SOS1: variants seen among roughly 807,000 people sequenced by gnomAD.
The protein encoded by SOS1 is son of sevenless homolog 1.
SOS1 carries 25 observed loss-of-function variants against 157.6 expected under a neutral mutation model. The ratio of observed to expected loss-of-function variants is 0.16; its 90% confidence interval spans 0.12 to 0.22. SOS1 has a LOEUF of 0.22. SOS1 is among the 10% of genes least tolerant of loss of function. The probability of loss-of-function intolerance (pLI) is 1.00; values close to 1 mark genes in which losing one functional copy is unlikely to be tolerated. For synonymous variants in SOS1, 528 were observed against 534.0 expected, an observed-to-expected ratio of 0.99 and a Z score of 0.16; for missense variants, 1,237 against 1,599.1, an observed-to-expected ratio of 0.77 and a Z score of 3.86.
intron 3 of SOS1, among the ~76,000 whole-genome samples, chr2:39,057,725 A>G (rs1671259807): frequency 6.6e-6 from 1 of 152,106 alleles, no homozygotes; most frequent in African/African-American, 2.4e-5. Context: ...ATTCCCTTAG[A>G]ATACAATTCA....
chr2:39,122,607 AAAAAT>A (rs1673933678), upstream of SOS1, among the ~76,000 whole-genome samples: 1 of 152,156 alleles, frequency 6.6e-6, no homozygotes, highest in South Asian at 2.1e-4. Context: ...GTTTTATTGA[AAAAAT>A]AAAAATATAC....
intron 15 of SOS1, among the ~76,000 whole-genome samples, chr2:39,008,038 A>G (rs1431281088): frequency 6.6e-6 from 1 of 152,294 alleles, no homozygotes; most frequent in East Asian, 1.9e-4. Flanking sequence ...CCTGCAGTCA[A>G]GAACACCTAG....
At chr2:39,103,788 A>G (rs955499840) in intron 1 of SOS1, among the ~76,000 whole-genome samples, 4 of 152,268 alleles carry the variant, frequency 2.6e-5, no homozygotes, top group Non-Finnish European at 5.9e-5. Flanking sequence ...GAAAAAACAG[A>G]TAAATCTGAC....
At chr2:39,120,295 G>C (rs765886895) in intron 1 of SOS1, 41 bp downstream of exon 1, 5 of 1,528,564 alleles carry the variant, frequency 3.3e-6, no homozygotes, top group African/African-American at 1.4e-5. Flanking sequence ...GCCCGCGCTG[G>C]GGGGCTGCGG....
chr2:39,047,981 A>G (rs550412227), intron 6 of SOS1, among the ~76,000 whole-genome samples: 1 of 152,230 alleles, frequency 6.6e-6, no homozygotes, highest in Admixed American at 6.5e-5. Context: ...AGTTCTTAAT[A>G]TACCCCAGAT....
rs1317024397 is a variant in SOS1, at chr2:39,115,868, A to G, written c.87+4468T>C. On this transcript the variant is annotated intron_variant, in intron 1 of 22. Coordinates refer to ENST00000402219, the MANE Select transcript of SOS1 (RefSeq NM_005633.4). ...AAAGAGATGCCATGAACATTCATGTATAAGTCTTTGTATAAGCTTCATCTA... is the reference window on the plus strand; with the variant it reads ...AAAGAGATGCCATGAACATTCATGTGTAAGTCTTTGTATAAGCTTCATCTA... Among the ~76,000 whole-genome samples, 7 of 152,332 alleles carry G rather than the reference A, an allele frequency of 4.6e-5. No individual in the cohort carries two copies. In the South Asian group the frequency reaches 1.0e-3, roughly 23 times the overall value.
rs529244092 is a variant in SOS1, at chr2:39,051,874, A to T, written c.721-587T>A. 2.0e-5 allele frequency among the ~76,000 whole-genome samples: 3 copies of T among 152,212 alleles called. No individual in the cohort carries two copies. The South Asian group carries it at 6.2e-4, about 32-fold the overall frequency. The stretch of plus-strand genomic sequence containing the variant: ...ACGAAAAATCTAGCTTTTCTGTGTA[A>T]TTTTTTTATTGAGATAAAACTCACA... On this transcript the variant is annotated intron_variant, in intron 5 of 22. Coordinates refer to ENST00000402219, the MANE Select transcript of SOS1 (RefSeq NM_005633.4).
At chr2:38,988,206 C>T (rs748855315) in intron 21 of SOS1, among the ~76,000 whole-genome samples, 110 of 152,242 alleles carry the variant, frequency 7.2e-4, no homozygotes, top group African/African-American at 2.6e-3. Context: ...AAAATTTTAA[C>T]GGTGATGGCA....
At chr2:39,117,212 T>C (rs185763898) in intron 1 of SOS1, among the ~76,000 whole-genome samples, 72 of 152,154 alleles carry the variant, frequency 4.7e-4, no homozygotes, top group African/African-American at 1.7e-3. Context: ...TATTTTTTAG[T>C]AGAGATGGGG....
chr2:39,009,320 T>G (rs181453971), intron 15 of SOS1, among the ~76,000 whole-genome samples: 1 of 152,262 alleles, frequency 6.6e-6, no homozygotes, highest in East Asian at 1.9e-4. Context: ...ATAAAGATTT[T>G]CCCAGATAAA....
intron 1 of SOS1, among the ~76,000 whole-genome samples, chr2:39,117,007 C>T (rs1427282396): frequency 1.3e-5 from 2 of 150,612 alleles, no homozygotes; most frequent in Non-Finnish European, 3.0e-5. Context: ...CTAATTTAGT[C>T]TTTTCTGATT....
chr2:38,997,317 A>G lies in SOS1; in HGVS notation c.2900T>C (p.Ile967Thr). 1 of 1,613,130 alleles carries G rather than the reference A, an allele frequency of 6.2e-7. No individual in the cohort carries two copies. Among genetic ancestry groups the G allele is most frequent in the African/African-American group, 1.3e-5 (1 of 75,008 alleles). The change falls in exon 18 of 23, where the codon ATA becomes ACA. Residue 967 changes from isoleucine to threonine, a missense_variant. This residue lies in a region of SOS1 where 105 missense variants were observed against 236.0 expected (regional missense o/e 0.44). Coordinates refer to ENST00000402219, the MANE Select transcript of SOS1 (RefSeq NM_005633.4). ...TTGGTACTGCTGGATCTCTCCTGTT[A>G]TTTCTGCTACTTTCCTCCTTTTGCT... is the stretch of plus-strand genomic sequence containing the variant. ...NFSKRRKVAE[I>T]TGEIQQYQNQ...
intron 6 of SOS1, among the ~76,000 whole-genome samples, chr2:39,044,882 T>A (rs983813091): frequency 9.6e-6 from 1 of 103,986 alleles, no homozygotes; most frequent in Admixed American, 9.6e-5. Context: ...ACACACACAC[T>A]CTGTTGTCCC....
intron 1 of SOS1, among the ~76,000 whole-genome samples, chr2:39,068,832 A>G (rs766794319): frequency 6.6e-6 from 1 of 152,228 alleles, no homozygotes; most frequent in Non-Finnish European, 1.5e-5. Context: ...CTTTACTTGC[A>G]TCCCTTTGTT....
chr2:39,100,752 C>T (rs777533620), intron 1 of SOS1, among the ~76,000 whole-genome samples: 1 of 152,008 alleles, frequency 6.6e-6, no homozygotes, highest in Non-Finnish European at 1.5e-5. Flanking sequence ...CCTGTCTCTA[C>T]AAAAAATTTA....
At chr2:39,103,659 C>G (rs1572894591) in intron 1 of SOS1, among the ~76,000 whole-genome samples, 1 of 152,094 alleles carries the variant, frequency 6.6e-6, no homozygotes, top group Non-Finnish European at 1.5e-5. Context: ...TATCAATGAC[C>G]TAAATATAAG....
At chr2:39,009,997 G>A (rs1425499485) in intron 15 of SOS1, among the ~76,000 whole-genome samples, 1 of 151,996 alleles carries the variant, frequency 6.6e-6, no homozygotes, top group Non-Finnish European at 1.5e-5. Flanking sequence ...AGGAATAGAG[G>A]AAAAAGACAT....
At chr2:39,073,127 A>G (rs1356034384) in intron 1 of SOS1, among the ~76,000 whole-genome samples, 1 of 152,240 alleles carries the variant, frequency 6.6e-6, no homozygotes, top group Non-Finnish European at 1.5e-5. Flanking sequence ...ACTCAGAGAC[A>G]TTTAATAGAT....
chr2:39,099,869 G>A (rs1419019703), intron 1 of SOS1, among the ~76,000 whole-genome samples: 1 of 152,078 alleles, frequency 6.6e-6, no homozygotes. Flanking sequence ...CTCTGGAGTA[G>A]CCGGGATTAC....
Sources: allele counts gnomAD v4.1 joint callset (sites outside exome capture counted in the v4.1 genomes callset), GRCh38; gene constraint gnomAD v4.1.1; regional missense constraint gnomAD v4.1.1; transcripts MANE v1.5; gene names NCBI Gene and HGNC (gene_info 2026-07-23, HGNC 2026-07-21).